PDE1A: variants seen among roughly 807,000 people sequenced by gnomAD.
PDE1A encodes phosphodiesterase 1A.
A neutral mutation model predicts 61.7 loss-of-function variants in PDE1A; 35 were observed. The ratio of observed to expected loss-of-function variants is 0.57; its 90% CI spans 0.43 to 0.75. The LOEUF (loss-of-function observed/expected upper bound fraction) is 0.75, where lower values mean the gene tolerates loss of function less well. PDE1A is among the 30% of genes least tolerant of loss of function. The probability of loss-of-function intolerance (pLI) is 0.00; values close to 1 mark genes in which losing one functional copy is unlikely to be tolerated. For missense variants in PDE1A, 597 were observed against 630.6 expected, an observed-to-expected ratio of 0.95 and a Z score of 0.57; for synonymous variants, 232 against 213.2, an observed-to-expected ratio of 1.09 and a Z score of -0.77.
At chr2:182,416,126 A>G (rs1702901509) in intron 1 of PDE1A, among the ~76,000 whole-genome samples, 1 of 152,220 alleles carries the variant, frequency 6.6e-6, no homozygotes, top group African/African-American at 2.4e-5. Flanking sequence ...GCAAATGTGC[A>G]AGCAAATAGT....
intron 2 of PDE1A, among the ~76,000 whole-genome samples, chr2:182,433,898 T>C (rs901719054): frequency 6.6e-6 from 1 of 152,104 alleles, no homozygotes. Flanking sequence ...GAAATGCTTT[T>C]CATCCTGCTC....
intron 1 of PDE1A, among the ~76,000 whole-genome samples, chr2:182,329,858 G>C (rs1240061028): frequency 6.6e-6 from 1 of 152,152 alleles, no homozygotes; most frequent in Admixed American, 6.5e-5. Context: ...ATTTTAGAAA[G>C]ACTCCACAAC....
At chr2:182,674,158 T>C in the PDE1A span, among the ~76,000 whole-genome samples, 41 of 152,110 alleles carry the variant, frequency 2.7e-4, no homozygotes, top group Non-Finnish European at 5.4e-4. Flanking sequence ...AGCCAGGAAC[T>C]GAACTTAAAT....
intron 2 of PDE1A, among the ~76,000 whole-genome samples, chr2:182,520,262 C>T (rs897257535): frequency 6.6e-6 from 1 of 151,850 alleles, no homozygotes; most frequent in Non-Finnish European, 1.5e-5. Context: ...CTCGCTTTGA[C>T]AATTCTAAGC....
chr2:182,244,872 T>C (rs766188996), intron 2 of PDE1A, among the ~76,000 whole-genome samples: 2 of 152,240 alleles, frequency 1.3e-5, no homozygotes, highest in Non-Finnish European at 2.9e-5. Context: ...TGTATGTCTC[T>C]GTGTGCAAGA....
chr2:182,588,779 C>G, the PDE1A span, among the ~76,000 whole-genome samples: 4 of 152,136 alleles, frequency 2.6e-5, no homozygotes, highest in African/African-American at 9.7e-5. Flanking sequence ...CGCTATGGCT[C>G]ACGCCTGTAA....
At position 182,317,862 on chromosome 2, in the gene PDE1A, CG is replaced by C. The variant is rs568230367; in HGVS notation, c.54-53449del. Reference sequence around the variant, plus strand: ...TTAGAAGGAGAAGGGAATAGGTAGACGGGGGAGAAAACAAATCACTTTTTTG... The same window carrying C: ...TTAGAAGGAGAAGGGAATAGGTAGACGGGGAGAAAACAAATCACTTTTTTG... On this transcript the variant is annotated intron_variant, in intron 1 of 13. Transcript: ENST00000351439. Among the ~76,000 whole-genome samples, 148 of 152,110 alleles carry C rather than the reference CG, an allele frequency of 9.7e-4. 1 individual carries two copies. Among genetic ancestry groups the C allele is most frequent in the African/African-American group, 3.3e-3 (135 of 41,508 alleles).
the PDE1A span, among the ~76,000 whole-genome samples, chr2:182,662,773 A>T: frequency 6.6e-6 from 1 of 152,238 alleles, no homozygotes; most frequent in African/African-American, 2.4e-5. Context: ...AGAAACAGTC[A>T]AAGATTTCAT....
chr2:182,274,005 A>C (rs1199871154), intron 1 of PDE1A, among the ~76,000 whole-genome samples: 1 of 152,076 alleles, frequency 6.6e-6, no homozygotes, highest in Non-Finnish European at 1.5e-5. Context: ...GGCAGATTCA[A>C]TGTCTGGTGA....
the PDE1A span, among the ~76,000 whole-genome samples, chr2:182,712,696 A>G: frequency 6.6e-6 from 1 of 151,950 alleles, no homozygotes; most frequent in Non-Finnish European, 1.5e-5. Flanking sequence ...AACTGGGACT[A>G]CAGGAGCCCA....
chr2:182,415,464 A>T (rs1702858613), intron 1 of PDE1A, among the ~76,000 whole-genome samples: 1 of 152,168 alleles, frequency 6.6e-6, no homozygotes. Flanking sequence ...CATTTCTATT[A>T]ATGAAATCAT....
chr2:182,183,451 C>T (rs1684935107), intron 13 of PDE1A, among the ~76,000 whole-genome samples: 1 of 152,144 alleles, frequency 6.6e-6, no homozygotes, highest in Non-Finnish European at 1.5e-5. Context: ...AAGCAAAAGC[C>T]AACTTTCCTG....
At chr2:182,614,221 T>C in the PDE1A span, among the ~76,000 whole-genome samples, 12 of 152,346 alleles carry the variant, frequency 7.9e-5, no homozygotes, top group Non-Finnish European at 1.8e-4. Flanking sequence ...GGAATACCTT[T>C]AGGCAGAGTG....
chr2:182,258,801 G>A (rs908606756), intron 2 of PDE1A, among the ~76,000 whole-genome samples: 3 of 152,152 alleles, frequency 2.0e-5, no homozygotes, highest in African/African-American at 7.2e-5. Flanking sequence ...CTTACCCCAT[G>A]TTACTCCCTC....
chr2:182,621,577 A>T, the PDE1A span, among the ~76,000 whole-genome samples: 6 of 103,138 alleles, frequency 5.8e-5, no homozygotes, highest in African/African-American at 9.3e-5. Flanking sequence ...ACAATAACTT[A>T]AAAAAAAATT....
chr2:182,583,501 A>C, the PDE1A span, among the ~76,000 whole-genome samples: 1 of 152,152 alleles, frequency 6.6e-6, no homozygotes, highest in Admixed American at 6.5e-5. Context: ...TAAGTTGTAA[A>C]CCTGCCTCCT....
intron 1 of PDE1A, among the ~76,000 whole-genome samples, chr2:182,409,031 CA>C (rs1249349092): frequency 6.6e-6 from 1 of 152,212 alleles, no homozygotes; most frequent in Admixed American, 6.5e-5. Context: ...CCTTGGGCTC[CA>C]GCTTCATTAT....
intron 2 of PDE1A, among the ~76,000 whole-genome samples, chr2:182,455,926 G>GA (rs5836836): frequency 0.48 from 71,990 of 148,620 alleles, 17,517 homozygotes; most frequent in East Asian, 0.72. Context: ...CAGGTTAAGA[G>GA]AAAAAAAAAA....
At chr2:182,560,845 G>C in the PDE1A span, among the ~76,000 whole-genome samples, 1 of 152,010 alleles carries the variant, frequency 6.6e-6, no homozygotes, top group Non-Finnish European at 1.5e-5. Flanking sequence ...TGTGTTTTTT[G>C]GCTGCATAAA....
Sources: allele counts gnomAD v4.1 joint callset (sites outside exome capture counted in the v4.1 genomes callset), GRCh38; gene constraint gnomAD v4.1.1; transcripts MANE v1.5; gene names NCBI Gene and HGNC (gene_info 2026-07-23, HGNC 2026-07-21).